Variants in BRD10 observed in about 807,000 individuals in gnomAD.
BRD10 encodes uncharacterized bromodomain-containing protein 10.
At chr9:5,930,889 T>C in the BRD10 span, among the ~76,000 whole-genome samples, 1 of 152,204 alleles carries the variant, frequency 6.6e-6, no homozygotes, top group Non-Finnish European at 1.5e-5. Flanking sequence ...GAACAGGAAG[T>C]AACTTTCATC....
At chr9:6,003,075 A>G in the BRD10 span, among the ~76,000 whole-genome samples, 7 of 151,184 alleles carry the variant, frequency 4.6e-5, no homozygotes, top group Admixed American at 4.6e-4. Context: ...ATATTTTAAG[A>G]AAGCCTTTTT....
the BRD10 span, among the ~76,000 whole-genome samples, chr9:5,995,010 C>T: frequency 6.6e-6 from 1 of 151,986 alleles, no homozygotes; most frequent in Non-Finnish European, 1.5e-5. Flanking sequence ...AGCAATTCTC[C>T]TGCCTCAGCC....
the BRD10 span, among the ~76,000 whole-genome samples, chr9:5,986,603 T>C: frequency 6.6e-6 from 1 of 152,252 alleles, no homozygotes; most frequent in Non-Finnish European, 1.5e-5. Context: ...GCCTTCCTAC[T>C]TCTCCACAGC....
the BRD10 span, among the ~76,000 whole-genome samples, chr9:5,930,359 T>C: frequency 1.1e-5 from 1 of 93,122 alleles, no homozygotes; most frequent in Non-Finnish European, 2.2e-5. Flanking sequence ...TCCCAATATA[T>C]ATAAGGAGAT....
chr9:5,920,426 G>A, the BRD10 span: 2 of 1,614,008 alleles, frequency 1.2e-6, no homozygotes, highest in Non-Finnish European at 1.7e-6. Flanking sequence ...AGTTACATTG[G>A]ATGGTGCCGA....
the BRD10 span, among the ~76,000 whole-genome samples, chr9:5,931,125 T>C: frequency 3.9e-5 from 6 of 152,186 alleles, no homozygotes; most frequent in African/African-American, 1.4e-4. Context: ...GCATGCTGAA[T>C]TCCTCACCGG....
At chr9:5,988,175 T>C in the BRD10 span, among the ~76,000 whole-genome samples, 1 of 152,222 alleles carries the variant, frequency 6.6e-6, no homozygotes, top group African/African-American at 2.4e-5. Context: ...AGATAAGTGG[T>C]TTTAAATTTT....
At chr9:5,963,918 A>T in the BRD10 span, among the ~76,000 whole-genome samples, 1 of 151,734 alleles carries the variant, frequency 6.6e-6, no homozygotes, top group Admixed American at 6.6e-5. Flanking sequence ...GATGGATTAA[A>T]GATTTAAACG....
the BRD10 span, among the ~76,000 whole-genome samples, chr9:5,970,491 T>C: frequency 6.6e-6 from 1 of 152,136 alleles, no homozygotes; most frequent in Non-Finnish European, 1.5e-5. Flanking sequence ...GATGCAAAGA[T>C]AGGCATTTAA....
chr9:5,968,338 T>A, the BRD10 span: 2 of 1,609,794 alleles, frequency 1.2e-6, no homozygotes, highest in Admixed American at 3.3e-5. Flanking sequence ...TTTCTTTTAA[T>A]GGACTGGGTT....
the BRD10 span, among the ~76,000 whole-genome samples, chr9:5,914,327 T>C: frequency 2.0e-5 from 3 of 152,100 alleles, no homozygotes; most frequent in African/African-American, 7.2e-5. Flanking sequence ...TTTTATTGTT[T>C]TTTCTTAGTT....
At chr9:5,995,089 C>T in the BRD10 span, among the ~76,000 whole-genome samples, 9 of 152,116 alleles carry the variant, frequency 5.9e-5, no homozygotes, top group East Asian at 1.5e-3. Context: ...TCAATAGAGA[C>T]GGGGTTTCTC....
the BRD10 span, among the ~76,000 whole-genome samples, chr9:5,959,213 T>C: frequency 6.6e-6 from 1 of 152,158 alleles, no homozygotes; most frequent in Non-Finnish European, 1.5e-5. Flanking sequence ...TACCTGGATT[T>C]AGAATTGTCT....
chr9:5,990,575 C>CAGAACAA, the BRD10 span, among the ~76,000 whole-genome samples: 1 of 152,096 alleles, frequency 6.6e-6, no homozygotes, highest in Non-Finnish European at 1.5e-5. Flanking sequence ...AGTATTTTCT[C>CAGAACAA]AGAACAAAGA....
the BRD10 span, chr9:5,881,457 C>T: frequency 1.3e-5 from 2 of 152,276 alleles, no homozygotes; most frequent in South Asian, 2.1e-4. Context: ...AAGAACTTTC[C>T]TAACCCCTTT....
the BRD10 span, among the ~76,000 whole-genome samples, chr9:5,999,832 A>G: frequency 6.6e-6 from 1 of 152,116 alleles, no homozygotes; most frequent in South Asian, 2.1e-4. Flanking sequence ...GTGCCTATCA[A>G]ATAATAAGCA....
the BRD10 span, among the ~76,000 whole-genome samples, chr9:5,972,256 G>C: frequency 3.3e-5 from 5 of 152,054 alleles, no homozygotes; most frequent in African/African-American, 7.2e-5. Flanking sequence ...AGGACACAAG[G>C]AATACAATGT....
chr9:5,977,850 A>T, the BRD10 span, among the ~76,000 whole-genome samples: 1 of 150,290 alleles, frequency 6.7e-6, no homozygotes. Flanking sequence ...AGAAAAAAAA[A>T]TGCTGAAGTA....
the BRD10 span, chr9:5,908,741 T>G: frequency 1.3e-6 from 2 of 1,582,494 alleles, no homozygotes; most frequent in African/African-American, 1.3e-5. Context: ...ATGCTGAAAT[T>G]ATTTCTCTCA....
Sources: gnomAD v4.1 joint callset for allele counts (sites outside exome capture counted in the v4.1 genomes callset) on GRCh38, gnomAD v4.1.1 for gene constraint, MANE v1.5 for transcripts, NCBI Gene and HGNC (gene_info 2026-07-23, HGNC 2026-07-21) for gene names.